The following CTNNA3 variants were observed in gnomAD, a reference collection of about 807,000 sequenced individuals.
CTNNA3 encodes catenin alpha-3.
Under a neutral mutation model 95.7 loss-of-function variants are expected in CTNNA3, and 76 were observed. That is an observed-to-expected ratio of 0.79 (90% CI 0.66 to 0.96). CTNNA3 has a LOEUF of 0.96. Among genes scored for constraint, CTNNA3 ranks in the 40% least tolerant of loss-of-function variants. The pLI is 0.00. For missense variants in CTNNA3, 1,191 were observed against 1,089.8 expected (o/e 1.09, Z -1.31); for synonymous variants, 431 against 374.4 (o/e 1.15, Z -1.74).
chr10:66,371,207 T>C (rs923124150), intron 12 of CTNNA3, among the ~76,000 whole-genome samples: 1 of 152,294 alleles, frequency 6.6e-6, no homozygotes, highest in African/African-American at 2.4e-5. Context: ...AATTTTGTCA[T>C]TGTAGTTAAA....
intron 11 of CTNNA3, among the ~76,000 whole-genome samples, chr10:66,508,210 G>GTTTTTTTTTTTTT (rs756807793): frequency 9.2e-6 from 1 of 108,422 alleles, no homozygotes; most frequent in African/African-American, 3.5e-5. Flanking sequence ...TTTGTTTTCT[G>GTTTTTTTTTTTTT]TTTTTTTTTT....
chr10:67,233,015 T>A (rs1315849401), intron 5 of CTNNA3, among the ~76,000 whole-genome samples: 1 of 152,132 alleles, frequency 6.6e-6, no homozygotes, highest in Non-Finnish European at 1.5e-5. Flanking sequence ...GTAAAGCAAG[T>A]CCTGAGTGAC....
chr10:66,535,641 G>T (rs1396525752), intron 10 of CTNNA3, among the ~76,000 whole-genome samples: 1 of 152,160 alleles, frequency 6.6e-6, no homozygotes, highest in Non-Finnish European at 1.5e-5. Context: ...TTTCCATGAT[G>T]ACTGAGTCTT....
chr10:66,902,950 A>G (rs1413239766), intron 7 of CTNNA3, among the ~76,000 whole-genome samples: 10 of 152,182 alleles, frequency 6.6e-5, no homozygotes, highest in Admixed American at 5.9e-4. Context: ...CCCGAAGTAC[A>G]AAGAGGAGCT....
intron 5 of CTNNA3, among the ~76,000 whole-genome samples, chr10:67,415,071 G>A (rs931185697): frequency 5.3e-5 from 8 of 152,144 alleles, no homozygotes; most frequent in African/African-American, 1.9e-4. Context: ...GCAAATGATG[G>A]AAATATTTCC....
intron 5 of CTNNA3, among the ~76,000 whole-genome samples, chr10:67,326,541 G>A (rs952185230): frequency 1.3e-5 from 2 of 152,164 alleles, no homozygotes; most frequent in African/African-American, 4.8e-5. Flanking sequence ...TAAGAATGTT[G>A]AATATTGGCC....
chr10:67,720,075 GT>G (rs1841170073), intron 1 of CTNNA3, among the ~76,000 whole-genome samples: 3 of 119,056 alleles, frequency 2.5e-5, no homozygotes, highest in Non-Finnish European at 3.5e-5. Flanking sequence ...TGTCTTTTTC[GT>G]ATTTTTATTG....
At chr10:67,734,574 T>C (rs758969235) in intron 1 of CTNNA3, among the ~76,000 whole-genome samples, 1 of 152,124 alleles carries the variant, frequency 6.6e-6, no homozygotes, top group Non-Finnish European at 1.5e-5. Flanking sequence ...ATCTCTTGCT[T>C]ATTGACCAAG....
chr10:66,343,192 A>AT (rs1194466957), intron 12 of CTNNA3, among the ~76,000 whole-genome samples: 1 of 151,972 alleles, frequency 6.6e-6, no homozygotes, highest in Non-Finnish European at 1.5e-5. Flanking sequence ...TACAAATAGG[A>AT]CCCCAATATG....
rs563420659 is a variant in CTNNA3 at position 67,151,092 on chromosome 10, A to C, written c.1047+29225T>G. ...GATACTTTTTCTTCATTTCCTCCTA[A>C]AACTAAAAATTACTTTAAAAATTTT... is the stretch of plus-strand genomic sequence containing the variant. On this transcript the variant is annotated intron_variant, in intron 7 of 17. Coordinates refer to ENST00000433211, the MANE Select transcript of CTNNA3 (RefSeq NM_013266.4). Among the ~76,000 whole-genome samples the C allele has an allele frequency of 8.5e-5, 13 of 152,288 alleles. No individual in the cohort carries two copies. The South Asian group carries it at 2.7e-3, about 32-fold the overall frequency.
rs75490184 is a variant in CTNNA3 at position 67,204,153 on chromosome 10, T to C, written c.843+15454A>G. 3.4e-3 allele frequency among the ~76,000 whole-genome samples: 521 copies of C among 152,266 alleles called. 2 individuals are homozygous for C. The highest frequency in any genetic ancestry group is 0.014 in the Middle Eastern group (4 of 294). On this transcript the variant is annotated intron_variant, in intron 6 of 17. Coordinates refer to ENST00000433211, the MANE Select transcript of CTNNA3 (RefSeq NM_013266.4). ...GTATTTTTTTCCCAGATATGTACTA[T>C]GAAATGTCTTGATTCCTGCTGATAT...
At chr10:67,285,345 G>A (rs1422279969) in intron 5 of CTNNA3, among the ~76,000 whole-genome samples, 1 of 152,132 alleles carries the variant, frequency 6.6e-6, no homozygotes, top group Admixed American at 6.5e-5. Flanking sequence ...TTAAAATAAG[G>A]AAATAGACGG....
rs116535601 is a variant in CTNNA3 at position 67,121,197 on chromosome 10, G to A, written c.1047+59120C>T. Among the ~76,000 whole-genome samples the A allele has an allele frequency of 4.5e-3, 680 of 152,050 alleles. 5 individuals are homozygous for A. Among genetic ancestry groups the A allele is most frequent in the African/African-American group, 0.015 (631 of 41,496 alleles). ...TAAAGCTACATAAAAACCATCTTCC[G>A]TATTGCAGATTATTTTTGACCAATC... On this transcript the variant is annotated intron_variant, in intron 7 of 17. Coordinates refer to ENST00000433211, the MANE Select transcript of CTNNA3 (RefSeq NM_013266.4).
chr10:66,013,484 C>T (rs78642636), intron 15 of CTNNA3, among the ~76,000 whole-genome samples: 488 of 152,224 alleles, frequency 3.2e-3, no homozygotes, highest in Middle Eastern at 6.8e-3. Context: ...CACGCAGGAG[C>T]CCCTAGTAAT....
At chr10:67,070,644 G>C (rs1217286407) in intron 7 of CTNNA3, among the ~76,000 whole-genome samples, 2 of 151,946 alleles carry the variant, frequency 1.3e-5, no homozygotes, top group Non-Finnish European at 2.9e-5. Flanking sequence ...CTGCTTGGGA[G>C]GCTGAGGCAG....
chr10:66,285,483 G>T (rs1259049985), intron 12 of CTNNA3, among the ~76,000 whole-genome samples: 2 of 151,576 alleles, frequency 1.3e-5, no homozygotes, highest in South Asian at 2.1e-4. Flanking sequence ...TGTATCCAAT[G>T]AATTTTTAAT....
intron 7 of CTNNA3, among the ~76,000 whole-genome samples, chr10:67,034,349 T>A (rs1455562162): frequency 6.6e-6 from 1 of 152,190 alleles, no homozygotes; most frequent in Non-Finnish European, 1.5e-5. Flanking sequence ...GCCTCACACT[T>A]GTAAGTGATG....
chr10:66,170,878 A>G (rs2085389118), intron 13 of CTNNA3, among the ~76,000 whole-genome samples: 1 of 152,190 alleles, frequency 6.6e-6, no homozygotes, highest in Admixed American at 6.6e-5. Flanking sequence ...TCTTGCCTGT[A>G]ATCCCAGCAC....
intron 10 of CTNNA3, among the ~76,000 whole-genome samples, chr10:66,595,184 A>G (rs1843672172): frequency 6.6e-6 from 1 of 152,170 alleles, no homozygotes; most frequent in African/African-American, 2.4e-5. Context: ...AAATCCAAGA[A>G]TAGACGCATT....
Sources: allele counts gnomAD v4.1 joint callset (sites outside exome capture counted in the v4.1 genomes callset), GRCh38; gene constraint gnomAD v4.1.1; transcripts MANE v1.5; gene names NCBI Gene and HGNC (gene_info 2026-07-23, HGNC 2026-07-21).